The following ATP8A2 variants were observed in gnomAD, a reference collection of about 807,000 sequenced individuals.
The protein encoded by ATP8A2 is phospholipid-transporting ATPase IB.
ATP8A2 carries 100 observed loss-of-function variants against 165.6 expected under a neutral mutation model. The ratio of observed to expected loss-of-function variants is 0.60; its 90% CI spans 0.51 to 0.71. ATP8A2 has a LOEUF of 0.71. ATP8A2 is among the 30% of genes least tolerant of loss of function. The probability of loss-of-function intolerance (pLI) is 0.00; values close to 1 mark genes in which losing one functional copy is unlikely to be tolerated. For synonymous variants in ATP8A2, 543 were observed against 548.8 expected (o/e 0.99, Z 0.15); for missense variants, 1,227 against 1,479.5 (o/e 0.83, Z 2.80).
At chr13:25,884,290 T>G (rs567169740) in intron 33 of ATP8A2, among the ~76,000 whole-genome samples, 4 of 152,274 alleles carry the variant, frequency 2.6e-5, no homozygotes, top group African/African-American at 9.6e-5. Context: ...ATGTCAGTCC[T>G]TGGGGATTGG....
rs1957088068 is a variant in ATP8A2, at chr13:26,021,991, G to A, written c.*2006G>A. 6.6e-6 allele frequency: 1 copy of A among 152,138 alleles called. No homozygotes were observed. Among genetic ancestry groups the A allele is most frequent in the Non-Finnish European group, 1.5e-5 (1 of 68,036 alleles). 9.4% of individuals were successfully genotyped at this position (152,138 alleles called of 1,614,324 possible). On this transcript the variant is annotated 3_prime_UTR_variant, in exon 37 of 37. Transcript: ENST00000381655. The stretch of plus-strand genomic sequence containing the variant: ...TTATGAGGTGACCAGGATGCAGAGA[G>A]GGCCTGAGGGGCAGCAGAACAATGC...
chr13:26,024,660 G>C lies in ATP8A2; in HGVS notation c.*4675G>C, dbSNP rs563420464. ...AAAGAGGGATTCTTTTTACACCCAG[G>C]CTGGCGCATTTTCAAGTGACAATCT... On this transcript the variant is annotated 3_prime_UTR_variant, in exon 37 of 37. Transcript: ENST00000381655. The C allele has an allele frequency of 6.6e-6, 1 of 152,284 alleles. No homozygotes were observed. Among genetic ancestry groups the C allele is most frequent in the South Asian group, 2.1e-4 (1 of 4,824 alleles). 9.4% of individuals were successfully genotyped at this position (152,284 alleles called of 1,614,324 possible). A position where few individuals can be genotyped will look rare whatever the true frequency, so the allele number is the denominator to read the frequency against.
intron 11 of ATP8A2, among the ~76,000 whole-genome samples, chr13:25,552,962 G>T (rs2038868446): frequency 6.6e-6 from 1 of 151,952 alleles, no homozygotes; most frequent in Non-Finnish European, 1.5e-5. Flanking sequence ...TAGTAACTAT[G>T]GTTTGGAGCC....
chr13:25,623,381 G>A (rs536192822), intron 24 of ATP8A2, among the ~76,000 whole-genome samples: 1 of 152,106 alleles, frequency 6.6e-6, no homozygotes, highest in Non-Finnish European at 1.5e-5. Flanking sequence ...GGGCAACAGA[G>A]TGAGACTTAG....
At chr13:25,786,404 A>G (rs2045026925) in intron 27 of ATP8A2, among the ~76,000 whole-genome samples, 1 of 152,226 alleles carries the variant, frequency 6.6e-6, no homozygotes, top group African/African-American at 2.4e-5. Flanking sequence ...AAGGCAAAGT[A>G]GATTCATCCT....
rs185301515 is a variant in ATP8A2, at chr13:25,908,177, C to G, written c.3183+45769C>G. Among the ~76,000 whole-genome samples, 10 of 151,904 alleles carry G rather than the reference C, an allele frequency of 6.6e-5. No individual in the cohort carries two copies. In the East Asian group the frequency reaches 1.8e-3, roughly 27 times the overall value. On this transcript the variant is annotated intron_variant, in intron 33 of 36. Coordinates refer to ENST00000381655, the MANE Select transcript of ATP8A2 (RefSeq NM_016529.6). ...TAGTCATGTAACGCCCCATGGTTTT[C>G]TACCGAGGCGTGCTTTCTTTGCTCC...
At chr13:25,435,966 T>TGA (rs2034761298) in intron 1 of ATP8A2, among the ~76,000 whole-genome samples, 2 of 114,090 alleles carry the variant, frequency 1.8e-5, no homozygotes, top group Middle Eastern at 4.3e-3. Context: ...TGTGTGTGTG[T>TGA]GTGTGTATGT....
chr13:25,549,333 A>G (rs1321214136), intron 10 of ATP8A2, among the ~76,000 whole-genome samples: 1 of 151,822 alleles, frequency 6.6e-6, no homozygotes. Context: ...GGTGGCGCAC[A>G]CTTGTAATCC....
At chr13:25,937,679 C>G (rs1954945145) in intron 33 of ATP8A2, among the ~76,000 whole-genome samples, 1 of 151,068 alleles carries the variant, frequency 6.6e-6, no homozygotes, top group Admixed American at 6.6e-5. Flanking sequence ...GAAACCCTGT[C>G]TCTACTAAAA....
At chr13:26,016,561 C>T (rs1466414868) in intron 36 of ATP8A2, among the ~76,000 whole-genome samples, 1 of 152,176 alleles carries the variant, frequency 6.6e-6, no homozygotes, top group Non-Finnish European at 1.5e-5. Flanking sequence ...TTTGCACCTT[C>T]CATTTGAACA....
intron 1 of ATP8A2, among the ~76,000 whole-genome samples, chr13:25,396,161 CTGAG>C (rs1333509593): frequency 6.6e-6 from 1 of 152,158 alleles, no homozygotes; most frequent in Non-Finnish European, 1.5e-5. Flanking sequence ...TGTTAATAGA[CTGAG>C]TGGGGAAACC....
chr13:25,788,269 C>G (rs2045081418), intron 27 of ATP8A2, among the ~76,000 whole-genome samples: 1 of 152,236 alleles, frequency 6.6e-6, no homozygotes, highest in African/African-American at 2.4e-5. Context: ...ACAGAGTGAG[C>G]CTTCCTCTTT....
chr13:25,897,684 G>T (rs1371336484), intron 33 of ATP8A2, among the ~76,000 whole-genome samples: 1 of 152,192 alleles, frequency 6.6e-6, no homozygotes, highest in Admixed American at 6.5e-5. Context: ...ATTAGACATA[G>T]ATTTGGTCTT....
intron 1 of ATP8A2, among the ~76,000 whole-genome samples, chr13:25,404,840 G>T (rs909055045): frequency 6.6e-6 from 1 of 152,096 alleles, no homozygotes; most frequent in Non-Finnish European, 1.5e-5. Context: ...GCACTCGTGG[G>T]AACTGATGTT....
chr13:25,512,401 C>T (rs1385010252), intron 2 of ATP8A2, among the ~76,000 whole-genome samples: 1 of 152,124 alleles, frequency 6.6e-6, no homozygotes, highest in African/African-American at 2.4e-5. Context: ...TTGGGTACAC[C>T]TCCCAGACGG....
intron 33 of ATP8A2, among the ~76,000 whole-genome samples, chr13:25,918,902 G>A (rs1431334774): frequency 6.6e-6 from 1 of 152,196 alleles, no homozygotes; most frequent in Non-Finnish European, 1.5e-5. Context: ...GGTGCAAATT[G>A]CACCCTGGGG....
At chr13:25,844,061 G>A (rs761958963) in intron 30 of ATP8A2, among the ~76,000 whole-genome samples, 14 of 152,146 alleles carry the variant, frequency 9.2e-5, no homozygotes, top group Non-Finnish European at 1.8e-4. Flanking sequence ...CTGAGCCACT[G>A]AGGCCATGGG....
intron 33 of ATP8A2, among the ~76,000 whole-genome samples, chr13:25,956,907 T>C (rs1207353670): frequency 6.6e-6 from 1 of 152,228 alleles, no homozygotes; most frequent in African/African-American, 2.4e-5. Flanking sequence ...AGCATGGTAC[T>C]GATACCAAAA....
chr13:25,782,787 T>C (rs983119439), intron 27 of ATP8A2, among the ~76,000 whole-genome samples: 22 of 152,230 alleles, frequency 1.4e-4, no homozygotes, highest in Non-Finnish European at 7.3e-5. Context: ...GTTGCCAGGC[T>C]GGAGTGCAAT....
Sources: gnomAD v4.1 joint callset for allele counts (sites outside exome capture counted in the v4.1 genomes callset) on GRCh38, gnomAD v4.1.1 for gene constraint, MANE v1.5 for transcripts, NCBI Gene and HGNC (gene_info 2026-07-23, HGNC 2026-07-21) for gene names.